SEMA6D: variants seen among roughly 807,000 people sequenced by gnomAD.
SEMA6D encodes semaphorin-6D.
Under a neutral mutation model 106.6 loss-of-function variants are expected in SEMA6D, and 35 were observed. The ratio of observed to expected loss-of-function variants is 0.33; its 90% confidence interval spans 0.25 to 0.44. The LOEUF is 0.44. Among genes scored for constraint, SEMA6D ranks in the 20% least tolerant of loss-of-function variants. SEMA6D has a pLI of 1.00. For synonymous variants in SEMA6D, 499 were observed against 487.7 expected (o/e 1.02, Z -0.31); for missense variants, 1,185 against 1,345.9 (o/e 0.88, Z 1.87).
intron 1 of SEMA6D, among the ~76,000 whole-genome samples, chr15:47,349,907 T>TACA (rs1415570997): frequency 1.3e-5 from 2 of 152,182 alleles, no homozygotes; most frequent in African/African-American, 4.8e-5. Flanking sequence ...CTGTGTAGTG[T>TACA]ACAACAACAA....
chr15:47,316,039 C>T (rs28756425), intron 1 of SEMA6D, among the ~76,000 whole-genome samples: 64,506 of 148,698 alleles, frequency 0.43, 16,390 homozygotes, highest in Non-Finnish European at 0.56. Flanking sequence ...CATATATGAT[C>T]ATGGCATCTG....
At chr15:47,294,240 C>G (rs1203895810) in intron 1 of SEMA6D, among the ~76,000 whole-genome samples, 1 of 148,176 alleles carries the variant, frequency 6.7e-6, no homozygotes, top group Non-Finnish European at 1.5e-5. Flanking sequence ...CTCTCTCTCT[C>G]TTTTTTTTTT....
chr15:47,450,170 T>C (rs925098016), intron 2 of SEMA6D, among the ~76,000 whole-genome samples: 6 of 152,186 alleles, frequency 3.9e-5, no homozygotes, highest in Admixed American at 3.9e-4. Context: ...GCATGTTAAA[T>C]AGATAAGATA....
rs926133507 is a variant in SEMA6D at position 47,319,611 on chromosome 15, C to T, written c.-238-92782C>T. 2.0e-5 allele frequency among the ~76,000 whole-genome samples: 3 copies of T among 152,140 alleles called. No homozygotes were observed. In the East Asian group the frequency reaches 5.8e-4, roughly 30 times the overall value. On this transcript the variant is annotated intron_variant, in intron 1 of 19. Transcript: ENST00000558014. ...GAGTGTGCCGGTGTTGGATATTTCC[C>T]TCCCCCCATTTCAGGTAGGCTCTGA...
At chr15:47,422,335 A>G (rs1025975961) in intron 2 of SEMA6D, among the ~76,000 whole-genome samples, 1 of 151,996 alleles carries the variant, frequency 6.6e-6, no homozygotes, top group South Asian at 2.1e-4. Context: ...AGTATGTACA[A>G]TGAAACTCCA....
intron 1 of SEMA6D, among the ~76,000 whole-genome samples, chr15:47,237,042 C>T (rs1005141228): frequency 6.6e-6 from 1 of 152,122 alleles, no homozygotes; most frequent in Non-Finnish European, 1.5e-5. Flanking sequence ...TTATCACCGA[C>T]TTTTAGAATT....
At chr15:47,666,963 A>C (rs919627167) in intron 4 of SEMA6D, among the ~76,000 whole-genome samples, 1 of 152,148 alleles carries the variant, frequency 6.6e-6, no homozygotes, top group Admixed American at 6.5e-5. Context: ...ACTCGTAGAT[A>C]ATCCAATCAG....
rs575780568 is a variant in SEMA6D, at chr15:47,244,570, A to G, written c.-239+60152A>G. On this transcript the variant is annotated intron_variant, in intron 1 of 19. Transcript: ENST00000558014. ...AACTTAGGCACAGAGAAGTAAAGTTACTTGTCCAGGTTTGTACAGTTAAGT... is the reference window on the plus strand; with the variant it reads ...AACTTAGGCACAGAGAAGTAAAGTTGCTTGTCCAGGTTTGTACAGTTAAGT... Among the ~76,000 whole-genome samples the G allele has an allele frequency of 2.0e-4, 31 of 152,296 alleles. No individual in the cohort carries two copies. In the South Asian group the frequency reaches 5.2e-3, roughly 25 times the overall value.
chr15:47,563,879 C>T (rs2046151864), intron 3 of SEMA6D, among the ~76,000 whole-genome samples: 1 of 152,184 alleles, frequency 6.6e-6, no homozygotes. Flanking sequence ...CGGCCAATGT[C>T]CTGTGGCAAA....
At chr15:47,377,359 A>G (rs1277676415) in intron 1 of SEMA6D, among the ~76,000 whole-genome samples, 2 of 152,156 alleles carry the variant, frequency 1.3e-5, no homozygotes, top group Non-Finnish European at 2.9e-5. Flanking sequence ...ATTCCTAGCA[A>G]TTCAATGAGA....
chr15:47,365,464 T>A (rs868179718), intron 1 of SEMA6D, among the ~76,000 whole-genome samples: 50 of 152,290 alleles, frequency 3.3e-4, no homozygotes, highest in African/African-American at 1.2e-3. Flanking sequence ...AGATAGAAAT[T>A]TGTTTCTAAA....
intron 3 of SEMA6D, among the ~76,000 whole-genome samples, chr15:47,491,338 T>C (rs1316489574): frequency 6.6e-6 from 1 of 152,094 alleles, no homozygotes; most frequent in East Asian, 1.9e-4. Context: ...ACACATAAAC[T>C]AGTATTACAG....
chr15:47,352,086 T>C (rs1290140387), intron 1 of SEMA6D, among the ~76,000 whole-genome samples: 2 of 152,174 alleles, frequency 1.3e-5, no homozygotes, highest in Admixed American at 1.3e-4. Flanking sequence ...AAACTGGAAA[T>C]CTGTTTCCCA....
intron 1 of SEMA6D, among the ~76,000 whole-genome samples, chr15:47,214,026 A>C (rs2030319217): frequency 6.6e-6 from 1 of 152,096 alleles, no homozygotes; most frequent in African/African-American, 2.4e-5. Flanking sequence ...ACCTGGGCTC[A>C]TTTATGAGAT....
rs550612623 is a variant in SEMA6D at position 47,348,885 on chromosome 15, G to A, written c.-238-63508G>A. 1.8e-4 allele frequency among the ~76,000 whole-genome samples: 27 copies of A among 152,208 alleles called. No homozygotes were observed. The South Asian group carries it at 5.2e-3, about 29-fold the overall frequency. ...TCCTGATGAGAGTTGTCCTGTAGAG[G>A]ATGGAAGAGGCATTTGTGGTAGAGG... On this transcript the variant is annotated intron_variant, in intron 1 of 19. Transcript: ENST00000558014.
intron 4 of SEMA6D, among the ~76,000 whole-genome samples, chr15:47,630,134 C>A (rs2144483947): frequency 6.6e-6 from 1 of 151,962 alleles, no homozygotes; most frequent in Middle Eastern, 3.4e-3. Context: ...ATACTGTTTT[C>A]CCTAGTGGTT....
chr15:47,764,830 GT>G, intron 12 of SEMA6D, 37 bp downstream of exon 12: 1 of 1,613,410 alleles, frequency 6.2e-7, no homozygotes. Flanking sequence ...CCTATTCAAC[GT>G]TTTCTCTGCC....
intron 3 of SEMA6D, among the ~76,000 whole-genome samples, chr15:47,557,829 G>A (rs1050015028): frequency 2.0e-5 from 3 of 152,058 alleles, no homozygotes; most frequent in Non-Finnish European, 4.4e-5. Context: ...CTGTTAGAAC[G>A]GGCCTGTTAA....
At chr15:47,685,682 C>A (rs557347907) in intron 4 of SEMA6D, among the ~76,000 whole-genome samples, 32 of 152,252 alleles carry the variant, frequency 2.1e-4, no homozygotes, top group African/African-American at 6.0e-4. Flanking sequence ...CATCCTGAGA[C>A]CCCTAGTGGG....
Sources: allele counts gnomAD v4.1 joint callset (sites outside exome capture counted in the v4.1 genomes callset), GRCh38; gene constraint gnomAD v4.1.1; transcripts MANE v1.5; gene names NCBI Gene and HGNC (gene_info 2026-07-23, HGNC 2026-07-21).